The following ABCC1 variants were observed in gnomAD, a reference collection of about 807,000 sequenced individuals.
ABCC1 encodes the protein multidrug resistance-associated protein 1.
Under a neutral mutation model 172.9 loss-of-function variants are expected in ABCC1, and 83 were observed. That is an observed-to-expected ratio of 0.48 (90% confidence interval 0.40 to 0.58). ABCC1 has a LOEUF of 0.58. ABCC1 is among the 20% of genes least tolerant of loss of function. The pLI is 0.00. For missense variants in ABCC1, 1,817 were observed against 2,002.7 expected, an observed-to-expected ratio of 0.91 and a Z score of 1.77; for synonymous variants, 937 against 825.2, an observed-to-expected ratio of 1.14 and a Z score of -2.32.
In ABCC1 at chr16:16,034,023, C is replaced by CTTTTT. The variant is rs10580146; in HGVS notation, c.677+871_677+875dup. ...TTTTTTTGCCCCTAATAAGCATCAT[C>CTTTTT]TTTTTTTTTTTTTTTTTTTTTTGAG... On this transcript the variant is annotated intron_variant, in intron 6 of 30. Coordinates refer to ENST00000399410, the MANE Select transcript of ABCC1 (RefSeq NM_004996.4). Among the ~76,000 whole-genome samples the CTTTTT allele has an allele frequency of 3.8e-3, 331 of 86,812 alleles. 21 individuals are homozygous for CTTTTT. Among genetic ancestry groups the CTTTTT allele is most frequent in the East Asian group, 0.014 (39 of 2,690 alleles). 57.0% of individuals were successfully genotyped at this position (86,812 alleles called of 152,430 possible). A position where few individuals can be genotyped will look rare whatever the true frequency, so the allele number is the denominator to read the frequency against.
chr16:15,995,576 G>A (rs943191899), intron 1 of ABCC1, among the ~76,000 whole-genome samples: 1 of 152,096 alleles, frequency 6.6e-6, no homozygotes, highest in Non-Finnish European at 1.5e-5. Flanking sequence ...TGTGAGAGTG[G>A]AGACTTTATT....
At chr16:16,116,669 T>G (rs1344569888) in intron 23 of ABCC1, among the ~76,000 whole-genome samples, 3 of 152,096 alleles carry the variant, frequency 2.0e-5, no homozygotes, top group Admixed American at 6.6e-5. Context: ...TTCAAGTGAT[T>G]CTCTTGCCTC....
intron 23 of ABCC1, among the ~76,000 whole-genome samples, chr16:16,121,149 C>T (rs991257360): frequency 1.3e-5 from 2 of 152,170 alleles, no homozygotes; most frequent in African/African-American, 4.8e-5. Flanking sequence ...GTAACTCTTA[C>T]ATGTCACCCT....
At chr16:16,135,456 T>A (rs563590422) in intron 28 of ABCC1, among the ~76,000 whole-genome samples, 1 of 151,274 alleles carries the variant, frequency 6.6e-6, no homozygotes, top group Non-Finnish European at 1.5e-5. Flanking sequence ...TTTCTTTCTC[T>A]TTTCTTTTTT....
At chr16:15,977,517 T>C (rs1220356442) in intron 1 of ABCC1, among the ~76,000 whole-genome samples, 1 of 152,214 alleles carries the variant, frequency 6.6e-6, no homozygotes, top group African/African-American at 2.4e-5. Context: ...ATTATAGGCA[T>C]GAGCCTCTGT....
In ABCC1 at chr16:16,079,418, G is replaced by A. The variant is rs774281330; in HGVS notation, c.2055G>A (p.Ser685=). 35 of 1,613,904 alleles carry A rather than the reference G, an allele frequency of 2.2e-5. No individual in the cohort carries two copies. Among genetic ancestry groups the A allele is most frequent in the African/African-American group, 5.3e-5 (4 of 74,918 alleles). ...TGGGCCAGGTGGGCTGCGGAAAGTC[G>A]TCCCTGCTCTCAGCCCTCTTGGCTG... is the stretch of plus-strand genomic sequence containing the variant. The part of the protein sequence containing the change: ...AVVGQVGCGK[S]SLLSALLAEM... Residue 685 remains serine (S), a synonymous_variant, in exon 16 of 31, where the codon TCG becomes TCA. Coordinates refer to ENST00000399410, the MANE Select transcript of ABCC1 (RefSeq NM_004996.4).
intron 1 of ABCC1, among the ~76,000 whole-genome samples, chr16:16,006,880 T>TGGCGGTGGC (rs1567305988): frequency 6.7e-6 from 1 of 150,318 alleles, no homozygotes; most frequent in Admixed American, 6.7e-5. Flanking sequence ...GCGGTGGCGG[T>TGGCGGTGGC]GATGGTGGTG....
At chr16:16,080,643 A>G (rs1259870708) in intron 16 of ABCC1, among the ~76,000 whole-genome samples, 5 of 152,212 alleles carry the variant, frequency 3.3e-5, no homozygotes, top group Admixed American at 2.0e-4. Flanking sequence ...CCAGGCTCAA[A>G]GAAGCGTGGG....
At chr16:16,017,299 C>T (rs903957004) in intron 5 of ABCC1, among the ~76,000 whole-genome samples, 2 of 151,576 alleles carry the variant, frequency 1.3e-5, no homozygotes, top group South Asian at 2.1e-4. Context: ...GGTGTGATCT[C>T]GGCTCACTGT....
Position 16,033,321 on chromosome 16 carries a change from GGTC to G in ABCC1, c.677+152_677+154del, listed in dbSNP as rs1320567685. Reference sequence around the variant, plus strand: ...TTGAATCTGCCTGTGCTGGCCATGTGGTCTCAGAGACACCAACTCTGTCCGGCA... The same window carrying G: ...TTGAATCTGCCTGTGCTGGCCATGTGTCAGAGACACCAACTCTGTCCGGCA... On this transcript the variant is annotated intron_variant, in intron 6 of 30. Transcript: ENST00000399410. The G allele has an allele frequency of 4.1e-6, 3 of 734,000 alleles. No homozygotes were observed. The African/African-American group carries it at 5.3e-5, about 13-fold the overall frequency. The allele number at this position is 734,000 out of a possible 1,614,324, so 45.5% of individuals were successfully genotyped here. A position where few individuals can be genotyped will look rare whatever the true frequency, so the allele number is the denominator to read the frequency against.
At chr16:15,953,285 A>G (rs532917192) in intron 1 of ABCC1, among the ~76,000 whole-genome samples, 2 of 152,144 alleles carry the variant, frequency 1.3e-5, no homozygotes, top group Non-Finnish European at 2.9e-5. Context: ...GTGAGCTGAG[A>G]TCACATCACT....
chr16:15,998,028 G>T (rs2047119053), intron 1 of ABCC1, among the ~76,000 whole-genome samples: 1 of 151,432 alleles, frequency 6.6e-6, no homozygotes, highest in Non-Finnish European at 1.5e-5. Flanking sequence ...CACTATGTTG[G>T]CCAGGCTGGT....
At chr16:15,991,371 G>A (rs1459625519) in intron 1 of ABCC1, among the ~76,000 whole-genome samples, 1 of 152,070 alleles carries the variant, frequency 6.6e-6, no homozygotes, top group African/African-American at 2.4e-5. Context: ...TGGCAAAACA[G>A]AGCGCCACTC....
intron 1 of ABCC1, among the ~76,000 whole-genome samples, chr16:15,971,448 C>A (rs562051425): frequency 6.6e-6 from 1 of 152,326 alleles, no homozygotes; most frequent in East Asian, 1.9e-4. Flanking sequence ...AGAGCCGGGG[C>A]TTTACAAGAA....
At chr16:16,024,218 CAAAA>C (rs750352034) in intron 5 of ABCC1, among the ~76,000 whole-genome samples, 5 of 151,392 alleles carry the variant, frequency 3.3e-5, no homozygotes, top group African/African-American at 9.7e-5. Flanking sequence ...GACTCTGTCT[CAAAA>C]GAAAGAAAGA....
intron 26 of ABCC1, among the ~76,000 whole-genome samples, chr16:16,131,160 A>G (rs2152133930): frequency 6.6e-6 from 1 of 152,326 alleles, no homozygotes; most frequent in East Asian, 1.9e-4. Flanking sequence ...CAGTTGTACA[A>G]TTATTTTAAA....
chr16:16,001,950 T>A (rs2047329039), intron 1 of ABCC1, among the ~76,000 whole-genome samples: 1 of 152,060 alleles, frequency 6.6e-6, no homozygotes, highest in Non-Finnish European at 1.5e-5. Context: ...ACTCCTGGGC[T>A]CATGGGATCC....
intron 18 of ABCC1, among the ~76,000 whole-genome samples, chr16:16,089,063 C>G (rs1320838761): frequency 1.3e-5 from 2 of 152,108 alleles, no homozygotes; most frequent in Non-Finnish European, 2.9e-5. Flanking sequence ...TGAGTTGGTG[C>G]CATGGCAACT....
intron 12 of ABCC1, among the ~76,000 whole-genome samples, chr16:16,066,807 G>T (rs1202626224): frequency 6.6e-6 from 1 of 151,834 alleles, no homozygotes; most frequent in African/African-American, 2.4e-5. Flanking sequence ...GGAGACTGAG[G>T]CATGAGAATC....
Sources: allele counts gnomAD v4.1 joint callset (sites outside exome capture counted in the v4.1 genomes callset), GRCh38; gene constraint gnomAD v4.1.1; transcripts MANE v1.5; gene names NCBI Gene and HGNC (gene_info 2026-07-23, HGNC 2026-07-21).